Variants in PBX1 observed in about 807,000 individuals in gnomAD.
PBX1 encodes pre-B-cell leukemia transcription factor 1.
PBX1 carries 6 observed loss-of-function variants against 53.4 expected under a neutral mutation model. The observed-to-expected ratio is 0.11, with a 90% CI of 0.06 to 0.22. PBX1 has a LOEUF of 0.22. Among genes scored for constraint, PBX1 ranks in the 10% least tolerant of loss-of-function variants. PBX1 has a pLI of 1.00. For synonymous variants in PBX1, 204 were observed against 212.3 expected (o/e 0.96, Z 0.34); for missense variants, 251 against 551.4 (o/e 0.46, Z 5.46).
intron 2 of PBX1, among the ~76,000 whole-genome samples, chr1:164,738,543 T>C (rs1007280248): frequency 4.6e-5 from 7 of 152,182 alleles, no homozygotes; most frequent in African/African-American, 1.4e-4. Flanking sequence ...TCTCCCAAAG[T>C]GCCACATTAT....
chr1:164,657,928 T>G (rs527376152), intron 2 of PBX1, among the ~76,000 whole-genome samples: 13 of 152,292 alleles, frequency 8.5e-5, no homozygotes, highest in African/African-American at 2.9e-4. Context: ...CCACTCCATG[T>G]CTTGCCATCT....
At chr1:164,699,999 C>G (rs1315639327) in intron 2 of PBX1, among the ~76,000 whole-genome samples, 5 of 152,068 alleles carry the variant, frequency 3.3e-5, no homozygotes, top group African/African-American at 1.2e-4. Context: ...ATACTGAGAG[C>G]CAGGGTGCTC....
At chr1:164,837,486 G>A (rs1477104859) in intron 8 of PBX1, among the ~76,000 whole-genome samples, 2 of 152,136 alleles carry the variant, frequency 1.3e-5, no homozygotes, top group African/African-American at 4.8e-5. Flanking sequence ...GAGTACATTC[G>A]AAATGTATAT....
chr1:164,639,230 T>C (rs1375916467), intron 2 of PBX1, among the ~76,000 whole-genome samples: 1 of 152,226 alleles, frequency 6.6e-6, no homozygotes, highest in African/African-American at 2.4e-5. Context: ...CTCTCCATGA[T>C]TAAAGAGTAG....
chr1:164,559,438 AT>A lies in PBX1; in HGVS notation c.-382del, dbSNP rs1230807591. On this transcript the variant is annotated 5_prime_UTR_variant, in exon 1 of 9. The change abolishes the stop of an existing upstream ORF in the 5' untranslated region. Coordinates refer to ENST00000420696, the MANE Select transcript of PBX1 (RefSeq NM_002585.4). Reference sequence around the variant, plus strand: ...TATTTGCAAAAGGATTAAGCCACAGATTTAAGCGCCGGGAGCCCATTTCTGC... The same window carrying A: ...TATTTGCAAAAGGATTAAGCCACAGATTAAGCGCCGGGAGCCCATTTCTGC... 4 of 252,510 alleles carry A rather than the reference AT, an allele frequency of 1.6e-5. No individual in the cohort carries two copies. Among genetic ancestry groups the A allele is most frequent in the Non-Finnish European group, 3.0e-5 (4 of 131,864 alleles). 15.6% of individuals were successfully genotyped at this position (252,510 alleles called of 1,614,324 possible). A position where few individuals can be genotyped will look rare whatever the true frequency, so the allele number is the denominator to read the frequency against.
intron 2 of PBX1, among the ~76,000 whole-genome samples, chr1:164,679,264 C>T (rs752340202): frequency 2.0e-4 from 31 of 152,164 alleles, no homozygotes; most frequent in Non-Finnish European, 4.1e-4. Context: ...TGGAAGACTA[C>T]AAAACCCTTG....
Position 164,863,122 on chromosome 1 carries a change from G to A in PBX1, n.257+31639G>A, listed in dbSNP as rs969457901. On this transcript the variant is annotated intron_variant and non_coding_transcript_variant, in intron 2 of 2. Coordinates refer to the PBX1 transcript ENST00000558796. ...AGTTTCCCAAAGGGGGGAAATGAATGATTATCTCAGATCTCCTCACCCTTC... is the reference window on the plus strand; with the variant it reads ...AGTTTCCCAAAGGGGGGAAATGAATAATTATCTCAGATCTCCTCACCCTTC... 4.6e-5 allele frequency among the ~76,000 whole-genome samples: 7 copies of A among 152,356 alleles called. No individual in the cohort carries two copies. The South Asian group carries it at 1.5e-3, about 32-fold the overall frequency.
intron 2 of PBX1, among the ~76,000 whole-genome samples, chr1:164,619,816 T>A (rs887805423): frequency 6.6e-6 from 1 of 152,214 alleles, no homozygotes; most frequent in African/African-American, 2.4e-5. Context: ...AAGCAATTTT[T>A]ATACATAATT....
At chr1:164,803,941 T>G (rs1669209865) in intron 4 of PBX1, among the ~76,000 whole-genome samples, 2 of 152,206 alleles carry the variant, frequency 1.3e-5, no homozygotes, top group African/African-American at 4.8e-5. Flanking sequence ...GGAATAAATA[T>G]TAGTATAGTA....
At chr1:164,691,206 G>T (rs944127992) in intron 2 of PBX1, among the ~76,000 whole-genome samples, 9 of 151,658 alleles carry the variant, frequency 5.9e-5, no homozygotes, top group Admixed American at 5.3e-4. Flanking sequence ...GTAGAGATGG[G>T]GTTTCGCCAT....
chr1:164,756,305 T>TC (rs1666521739), intron 2 of PBX1, among the ~76,000 whole-genome samples: 1 of 152,094 alleles, frequency 6.6e-6, no homozygotes, highest in Non-Finnish European at 1.5e-5. Context: ...TGATTTTTTT[T>TC]CCCCTTTAAA....
intron 2 of PBX1, among the ~76,000 whole-genome samples, chr1:164,733,755 A>T (rs1665124777): frequency 6.6e-6 from 1 of 152,220 alleles, no homozygotes; most frequent in Non-Finnish European, 1.5e-5. Flanking sequence ...TCCAATTAAA[A>T]TTTTTAATAA....
chr1:164,567,235 C>T (rs892297951), intron 2 of PBX1, among the ~76,000 whole-genome samples: 13 of 151,964 alleles, frequency 8.6e-5, no homozygotes, highest in Non-Finnish European at 1.5e-4. Flanking sequence ...TGGAAGGAAG[C>T]TAGAGATTGC....
intron 2 of PBX1, among the ~76,000 whole-genome samples, chr1:164,789,526 A>G (rs1219242472): frequency 6.6e-6 from 1 of 152,206 alleles, no homozygotes; most frequent in African/African-American, 2.4e-5. Context: ...GATGGAATGA[A>G]TGAGGCCGCT....
intron 2 of PBX1, among the ~76,000 whole-genome samples, chr1:164,870,293 CTTT>C (rs1672337846): frequency 2.5e-5 from 1 of 40,650 alleles, no homozygotes; most frequent in African/African-American, 1.1e-4. Context: ...TTCTTTCTTT[CTTT>C]CTTTCTTTCT....
intron 2 of PBX1, among the ~76,000 whole-genome samples, chr1:164,728,812 C>G (rs11579619): frequency 6.6e-6 from 1 of 152,188 alleles, no homozygotes; most frequent in Non-Finnish European, 1.5e-5. Context: ...CCGATATTCT[C>G]CCCACCCACC....
chr1:164,601,221 G>A lies in PBX1; in HGVS notation c.265+37910G>A, dbSNP rs1571039765. Among the ~76,000 whole-genome samples, 3 of 115,290 alleles carry A rather than the reference G, an allele frequency of 2.6e-5. No individual in the cohort carries two copies. In the South Asian group the frequency reaches 8.9e-4, roughly 34 times the overall value. 75.6% of individuals were successfully genotyped at this position (115,290 alleles called of 152,430 possible). On this transcript the variant is annotated intron_variant, in intron 2 of 8. Coordinates refer to ENST00000420696, the MANE Select transcript of PBX1 (RefSeq NM_002585.4). ...ATTGCACTCCAGCCTGGGCGACAGA[G>A]CAAGATTCTGTCTCAAAAAAAAAAA...
At chr1:164,697,730 G>A (rs565816394) in intron 2 of PBX1, among the ~76,000 whole-genome samples, 3 of 152,246 alleles carry the variant, frequency 2.0e-5, no homozygotes, top group East Asian at 1.9e-4. Context: ...AGAGTACTAC[G>A]AATAGCAGTA....
chr1:164,864,771 C>T (rs926910372), intron 2 of PBX1, among the ~76,000 whole-genome samples: 6 of 152,184 alleles, frequency 3.9e-5, no homozygotes, highest in African/African-American at 1.2e-4. Context: ...AATGTATGCT[C>T]AGAAGGCAGA....
Sources: allele counts gnomAD v4.1 joint callset (sites outside exome capture counted in the v4.1 genomes callset), GRCh38; gene constraint gnomAD v4.1.1; transcripts MANE v1.5; gene names NCBI Gene and HGNC (gene_info 2026-07-23, HGNC 2026-07-21).